The following CRISPLD2 variants were observed in gnomAD, a reference collection of about 807,000 sequenced individuals.
CRISPLD2 encodes the protein cysteine rich secretory protein LCCL domain containing 2, also known as cysteine-rich secretory protein LCCL domain-containing 2.
CRISPLD2 carries 47 observed loss-of-function variants against 71.1 expected under a neutral mutation model. The observed-to-expected ratio is 0.66, with a 90% confidence interval of 0.52 to 0.84. The LOEUF (loss-of-function observed/expected upper bound fraction) is 0.84, where lower values mean the gene tolerates loss of function less well. CRISPLD2 is among the 40% of genes least tolerant of loss of function. The pLI is 0.00. For missense variants in CRISPLD2, 830 were observed against 651.1 expected, an observed-to-expected ratio of 1.27 and a Z score of -2.99; for synonymous variants, 317 against 250.1, an observed-to-expected ratio of 1.27 and a Z score of -2.52.
Position 84,889,347 on chromosome 16 carries a change from G to A in CRISPLD2, c.1423G>A (p.Gly475Arg), listed in dbSNP as rs1230578312. Residue 475 changes from glycine (G) to arginine (R), a missense_variant, in exon 14 of 15, where the codon GGA (glycine) becomes AGA (arginine). By Grantham distance (125) the Gly-to-Arg change is moderately radical. Coordinates refer to ENST00000262424, the MANE Select transcript of CRISPLD2 (RefSeq NM_031476.4). ...KKTYVGSLRN[G>R]VQSESLGTPR... ...GACCTACGTGGGCTCGCTCAGGAATGGAGTTCAGTCTGAAAGGTAGGGTGG... is the reference window on the plus strand; with the variant it reads ...GACCTACGTGGGCTCGCTCAGGAATAGAGTTCAGTCTGAAAGGTAGGGTGG... 7 of 1,613,198 alleles carry A rather than the reference G, an allele frequency of 4.3e-6. No individual in the cohort carries two copies. In the East Asian group the frequency reaches 1.3e-4, roughly 31 times the overall value.
intron 12 of CRISPLD2, among the ~76,000 whole-genome samples, chr16:84,879,572 G>A (rs1478413087): frequency 6.6e-6 from 1 of 152,118 alleles, no homozygotes; most frequent in Non-Finnish European, 1.5e-5. Context: ...ATGTTGGCCA[G>A]GCTGGTCTCG....
chr16:84,870,133 G>T (rs1316544638), intron 8 of CRISPLD2, among the ~76,000 whole-genome samples: 4 of 151,856 alleles, frequency 2.6e-5, no homozygotes, highest in Non-Finnish European at 5.9e-5. Flanking sequence ...TAGTCAGTGG[G>T]TTTTTTTTCT....
In CRISPLD2 at chr16:84,867,596, C is replaced by T. The variant is rs148407433; in HGVS notation, c.853+556C>T. On this transcript the variant is annotated intron_variant, in intron 7 of 14. Coordinates refer to ENST00000262424, the MANE Select transcript of CRISPLD2 (RefSeq NM_031476.4). ...ACAACTCTTTTTTGAGATGGAGTTTCGCTCTTGTCACCCAGGTTGGAGTCC... is the reference window on the plus strand; with the variant it reads ...ACAACTCTTTTTTGAGATGGAGTTTTGCTCTTGTCACCCAGGTTGGAGTCC... Among the ~76,000 whole-genome samples the T allele has an allele frequency of 4.0e-4, 61 of 152,316 alleles. No homozygotes were observed. In the East Asian group the frequency reaches 8.5e-3, roughly 21 times the overall value.
chr16:84,896,391 G>GAC (rs149839266), intron 14 of CRISPLD2, among the ~76,000 whole-genome samples: 6 of 151,730 alleles, frequency 4.0e-5, no homozygotes, highest in African/African-American at 9.7e-5. Flanking sequence ...TATAGAGAGA[G>GAC]ACACACACAC....
In CRISPLD2 at chr16:84,898,096, T is replaced by C. The variant is rs942193873; in HGVS notation, c.1440-8492T>C. 5.9e-5 allele frequency among the ~76,000 whole-genome samples: 9 copies of C among 152,338 alleles called. No individual in the cohort carries two copies. In the South Asian group the frequency reaches 1.2e-3, roughly 21 times the overall value. Reference sequence around the variant, plus strand: ...ACTGATTGACACTCAGATCGTTTCCTTTTTTCTTTCACTGTAATAAACAAC... The same window carrying C: ...ACTGATTGACACTCAGATCGTTTCCCTTTTTCTTTCACTGTAATAAACAAC... On this transcript the variant is annotated intron_variant, in intron 14 of 14. Coordinates refer to ENST00000262424, the MANE Select transcript of CRISPLD2 (RefSeq NM_031476.4).
rs1003382174 is a variant in CRISPLD2 at position 84,868,328 on chromosome 16, G to A, written c.854-523G>A. Among the ~76,000 whole-genome samples the A allele has an allele frequency of 3.9e-5, 6 of 152,168 alleles. No individual in the cohort carries two copies. In the South Asian group the frequency reaches 8.3e-4, roughly 21 times the overall value. ...CCTTTTCAAACTATAACACGACTCC[G>A]AGACTCTGATATGTTCCCATAAAAT... On this transcript the variant is annotated intron_variant, in intron 7 of 14. Coordinates refer to ENST00000262424, the MANE Select transcript of CRISPLD2 (RefSeq NM_031476.4).
intron 13 of CRISPLD2, among the ~76,000 whole-genome samples, chr16:84,882,338 C>A (rs2071574995): frequency 1.4e-5 from 1 of 73,924 alleles, no homozygotes; most frequent in South Asian, 4.5e-4. Context: ...AGCAGCTAAA[C>A]CAATAAAGCA....
intron 14 of CRISPLD2, among the ~76,000 whole-genome samples, chr16:84,893,900 C>A (rs1249079423): frequency 6.6e-6 from 1 of 152,198 alleles, no homozygotes; most frequent in Admixed American, 6.5e-5. Flanking sequence ...GGCTGGTAAG[C>A]CCTTGGCGAG....
intron 14 of CRISPLD2, among the ~76,000 whole-genome samples, chr16:84,899,182 G>A (rs1238132205): frequency 1.3e-5 from 2 of 152,142 alleles, no homozygotes; most frequent in Non-Finnish European, 2.9e-5. Context: ...GAGCCACTGT[G>A]CCCCGCCTGA....
intron 14 of CRISPLD2, among the ~76,000 whole-genome samples, chr16:84,898,355 C>A (rs548730378): frequency 1.3e-5 from 2 of 152,186 alleles, no homozygotes; most frequent in Admixed American, 6.5e-5. Flanking sequence ...GCAGCTGCTT[C>A]GGCCCCTGCC....
intron 2 of CRISPLD2, among the ~76,000 whole-genome samples, chr16:84,845,171 G>A (rs1371056453): frequency 2.0e-5 from 3 of 152,242 alleles, no homozygotes; most frequent in Non-Finnish European, 4.4e-5. Context: ...GTGGGACCCA[G>A]GGAAAATGGC....
chr16:84,835,226 G>C (rs530333035), intron 1 of CRISPLD2, among the ~76,000 whole-genome samples: 1 of 152,232 alleles, frequency 6.6e-6, no homozygotes, highest in South Asian at 2.1e-4. Flanking sequence ...AAGTAGCTGG[G>C]ATTACAGGCA....
intron 1 of CRISPLD2, among the ~76,000 whole-genome samples, chr16:84,828,472 C>G (rs925063019): frequency 6.6e-6 from 1 of 152,180 alleles, no homozygotes; most frequent in Non-Finnish European, 1.5e-5. Context: ...CCAGAGCTGC[C>G]CATTCTTCTC....
chr16:84,866,075 G>A (rs997647698), intron 6 of CRISPLD2, among the ~76,000 whole-genome samples: 2 of 152,096 alleles, frequency 1.3e-5, no homozygotes, highest in African/African-American at 4.8e-5. Flanking sequence ...GAAGTGGGCT[G>A]GTGTGAGGTG....
intron 6 of CRISPLD2, among the ~76,000 whole-genome samples, chr16:84,864,808 T>C (rs1917490687): frequency 6.6e-6 from 1 of 152,188 alleles, no homozygotes; most frequent in African/African-American, 2.4e-5. Context: ...GAAATGACAG[T>C]TGCGAGCAAG....
intron 14 of CRISPLD2, among the ~76,000 whole-genome samples, chr16:84,892,656 C>G (rs1327919887): frequency 1.3e-5 from 2 of 151,938 alleles, no homozygotes; most frequent in Non-Finnish European, 2.9e-5. Flanking sequence ...GATTTTATAC[C>G]CTTGATTCTG....
chr16:84,883,135 G>T (rs977274214), intron 13 of CRISPLD2, among the ~76,000 whole-genome samples: 1 of 152,134 alleles, frequency 6.6e-6, no homozygotes, highest in Non-Finnish European at 1.5e-5. Context: ...AAAAAATAAA[G>T]AATGAAGGAG....
chr16:84,871,954 C>T (rs1297983453), intron 8 of CRISPLD2, among the ~76,000 whole-genome samples: 1 of 149,096 alleles, frequency 6.7e-6, no homozygotes, highest in African/African-American at 2.5e-5. Flanking sequence ...ATTCAACCAA[C>T]CTCAAATTCA....
At chr16:84,865,407 C>A (rs902815934) in intron 6 of CRISPLD2, among the ~76,000 whole-genome samples, 10 of 152,350 alleles carry the variant, frequency 6.6e-5, no homozygotes, top group Admixed American at 2.6e-4. Context: ...CCACCCGCCT[C>A]GGCTTCCCAA....
Sources: allele counts gnomAD v4.1 joint callset (sites outside exome capture counted in the v4.1 genomes callset), GRCh38; gene constraint gnomAD v4.1.1; transcripts MANE v1.5; gene names NCBI Gene and HGNC (gene_info 2026-07-23, HGNC 2026-07-21).